ADAMTS2: variants seen among roughly 807,000 people sequenced by gnomAD.
ADAMTS2 encodes A disintegrin and metalloproteinase with thrombospondin motifs 2.
ADAMTS2 carries 50 observed loss-of-function variants against 123.0 expected under a neutral mutation model. That is an observed-to-expected ratio of 0.41 (90% CI 0.32 to 0.51). ADAMTS2 has a LOEUF of 0.51. ADAMTS2 is among the 20% of genes least tolerant of loss of function. The pLI is 0.35. For synonymous variants in ADAMTS2, 678 were observed against 695.4 expected, an observed-to-expected ratio of 0.98 and a Z score of 0.39; for missense variants, 1,494 against 1,705.2, an observed-to-expected ratio of 0.88 and a Z score of 2.18.
intron 2 of ADAMTS2, among the ~76,000 whole-genome samples, chr5:179,309,492 G>A (rs1191526684): frequency 6.6e-6 from 1 of 152,190 alleles, no homozygotes; most frequent in East Asian, 1.9e-4. Context: ...GAAAGCTGGG[G>A]CTGACTGTAA....
intron 2 of ADAMTS2, among the ~76,000 whole-genome samples, chr5:179,335,430 T>C (rs1484300264): frequency 6.6e-6 from 1 of 152,216 alleles, no homozygotes. Flanking sequence ...AAGTCTTCAA[T>C]AGCCTTGTGT....
At position 179,121,707 on chromosome 5, in the gene ADAMTS2, C is replaced by G. The variant is rs1762767086; in HGVS notation, c.3132G>C (p.Trp1044Cys). 1 of 1,595,068 alleles carries G rather than the reference C, an allele frequency of 6.3e-7. No individual in the cohort carries two copies. The highest frequency in any genetic ancestry group is 8.5e-7 in the Non-Finnish European group (1 of 1,170,870). Residue 1044 changes from tryptophan (W) to cysteine (C), a missense_variant, in exon 21 of 22, where the codon TGG becomes TGC. By Grantham distance (215) the Trp-to-Cys change is radical. Coordinates refer to ENST00000251582, the MANE Select transcript of ADAMTS2 (RefSeq NM_014244.5). Reference protein sequence around the residue: ...DPSKKSYVVQWLSRPDPDSPI... With the variant: ...DPSKKSYVVQCLSRPDPDSPI... Reference sequence around the variant, plus strand: ...GCGAGTCGGGGTCCGGGCGGGACAGCCACTGAACTACGTAGCTCTTCTTGG... The same window carrying G: ...GCGAGTCGGGGTCCGGGCGGGACAGGCACTGAACTACGTAGCTCTTCTTGG...
At chr5:179,286,395 G>A (rs1040950631) in intron 2 of ADAMTS2, among the ~76,000 whole-genome samples, 15 of 151,816 alleles carry the variant, frequency 9.9e-5, no homozygotes, top group Admixed American at 4.6e-4. Flanking sequence ...AGACCAGCAC[G>A]CCTGAGCACC....
intron 3 of ADAMTS2, among the ~76,000 whole-genome samples, chr5:179,221,387 G>C (rs1161852377): frequency 6.6e-6 from 1 of 152,142 alleles, no homozygotes; most frequent in Non-Finnish European, 1.5e-5. Flanking sequence ...GAAAGTACCA[G>C]GGCCCTGGCC....
chr5:179,168,243 C>T (rs971412138), intron 5 of ADAMTS2, among the ~76,000 whole-genome samples: 1 of 152,188 alleles, frequency 6.6e-6, no homozygotes, highest in Non-Finnish European at 1.5e-5. Flanking sequence ...AAAAGTCTCT[C>T]CAGACACTGC....
intron 4 of ADAMTS2, among the ~76,000 whole-genome samples, chr5:179,194,021 G>C (rs1260987976): frequency 6.6e-6 from 1 of 152,232 alleles, no homozygotes; most frequent in African/African-American, 2.4e-5. Context: ...CTCCGAGGCT[G>C]CCTCAAGCTG....
chr5:179,293,314 A>G (rs1756240382), intron 2 of ADAMTS2, among the ~76,000 whole-genome samples: 2 of 152,240 alleles, frequency 1.3e-5, no homozygotes, highest in Non-Finnish European at 2.9e-5. Flanking sequence ...CTCCCACATG[A>G]GCAGCCTCTG....
chr5:179,136,131 A>C, intron 12 of ADAMTS2, 89 bp from the exon 13 acceptor site: 1 of 1,604,732 alleles, frequency 6.2e-7, no homozygotes, highest in Non-Finnish European at 8.5e-7. Context: ...AGAAATTTCC[A>C]CAAGGGTCCC....
intron 5 of ADAMTS2, among the ~76,000 whole-genome samples, chr5:179,174,684 C>T (rs938582274): frequency 1.3e-5 from 2 of 152,374 alleles, no homozygotes; most frequent in South Asian, 4.1e-4. Context: ...AGTTTATGCA[C>T]ATATGGCACT....
chr5:179,148,156 G>A (rs908338716), intron 10 of ADAMTS2, among the ~76,000 whole-genome samples: 6 of 151,994 alleles, frequency 3.9e-5, no homozygotes, highest in Non-Finnish European at 7.4e-5. Context: ...CCTTCCCCCA[G>A]CACAGCAGCA....
At chr5:179,214,281 G>A (rs747553061) in intron 3 of ADAMTS2, among the ~76,000 whole-genome samples, 27 of 119,650 alleles carry the variant, frequency 2.3e-4, no homozygotes, top group Non-Finnish European at 3.8e-4. Flanking sequence ...CTCAAAAGCC[G>A]TGCCCACAAT....
At chr5:179,315,998 G>A (rs1053289270) in intron 2 of ADAMTS2, among the ~76,000 whole-genome samples, 1 of 152,190 alleles carries the variant, frequency 6.6e-6, no homozygotes, top group Non-Finnish European at 1.5e-5. Flanking sequence ...GTTCCTAGAG[G>A]CCTTATCAAT....
rs922559080 is a variant in ADAMTS2 at position 179,312,068 on chromosome 5, G to A, written c.534+31699C>T. Among the ~76,000 whole-genome samples the A allele has an allele frequency of 2.6e-5, 4 of 152,190 alleles. No individual in the cohort carries two copies. The highest frequency in any genetic ancestry group is 9.7e-5 in the African/African-American group (4 of 41,438). On this transcript the variant is annotated intron_variant, in intron 2 of 21. Coordinates refer to ENST00000251582, the MANE Select transcript of ADAMTS2 (RefSeq NM_014244.5). The surrounding 1 kb of genome is among the most constrained non-coding windows in gnomAD (Gnocchi z 4.2). ...CCAGGCTAATGTTAGAAGCTGCAGA[G>A]GTGCAAATATAACAGTCAGACGACC...
chr5:179,343,920 G>C lies in ADAMTS2; in HGVS notation c.381C>G (p.Asn127Lys). 1 of 1,607,818 alleles carries C rather than the reference G, an allele frequency of 6.2e-7. No homozygotes were observed. Among genetic ancestry groups the C allele is most frequent in the Non-Finnish European group, 8.5e-7 (1 of 1,178,264 alleles). Residue 127 changes from asparagine (N) to lysine (K), a missense_variant, in exon 2 of 22, where the codon AAC (asparagine) becomes AAG (lysine). By Grantham distance (94) the Asn-to-Lys change is moderately conservative. Around this residue, in one of 6 missense-constraint regions of ADAMTS2, gnomAD observed 237 missense variants for 233.7 expected, o/e 1.01. Coordinates refer to ENST00000251582, the MANE Select transcript of ADAMTS2 (RefSeq NM_014244.5). ...TGGCCCCGGGCGCCACGAGGCGGGC[G>C]TTGGGCCGCAGCCGCAGGTGCAGGT... is the stretch of plus-strand genomic sequence containing the variant. ...GRDLHLRLRP[N>K]ARLVAPGATM...
intron 5 of ADAMTS2, among the ~76,000 whole-genome samples, chr5:179,172,330 GCC>G (rs925587822): frequency 1.3e-5 from 2 of 152,094 alleles, no homozygotes; most frequent in African/African-American, 4.8e-5. Context: ...TCCCAACTCT[GCC>G]AAAAGTGGAA....
intron 3 of ADAMTS2, among the ~76,000 whole-genome samples, chr5:179,214,537 A>AGAC (rs1764931202): frequency 6.6e-6 from 1 of 152,080 alleles, no homozygotes; most frequent in Non-Finnish European, 1.5e-5. Context: ...ACATAAAATA[A>AGAC]TGCAAAGATC....
chr5:179,120,234 C>T (rs1762728163), intron 21 of ADAMTS2: 2 of 152,020 alleles, frequency 1.3e-5, no homozygotes, highest in Admixed American at 1.3e-4. Context: ...GTCTTTCCAT[C>T]ATTAGTAAGA....
At chr5:179,198,984 C>T (rs1056371265) in intron 4 of ADAMTS2, among the ~76,000 whole-genome samples, 10 of 152,176 alleles carry the variant, frequency 6.6e-5, no homozygotes, top group African/African-American at 2.2e-4. Flanking sequence ...CATGCCCAAG[C>T]AGAGGCTGGG....
rs1581176181 is a variant in ADAMTS2, at chr5:179,188,122, T to C, written c.892-6967A>G. Among the ~76,000 whole-genome samples, 2 of 152,176 alleles carry C rather than the reference T, an allele frequency of 1.3e-5. No homozygotes were observed. Among genetic ancestry groups the C allele is most frequent in the Admixed American group, 1.3e-4 (2 of 15,284 alleles). ...CCACAGAGGAGACAGGCAGGGGCCCTGGAACAGCAGCCACCCCAACCTTCA... is the reference window on the plus strand; with the variant it reads ...CCACAGAGGAGACAGGCAGGGGCCCCGGAACAGCAGCCACCCCAACCTTCA... On this transcript the variant is annotated intron_variant, in intron 4 of 21. Coordinates refer to ENST00000251582, the MANE Select transcript of ADAMTS2 (RefSeq NM_014244.5). This position sits in a 1 kb window ranked among gnomAD's most constrained non-coding sequence, Gnocchi z 5.1.
Sources: allele counts gnomAD v4.1 joint callset (sites outside exome capture counted in the v4.1 genomes callset), GRCh38; gene constraint gnomAD v4.1.1; regional missense constraint gnomAD v4.1.1; non-coding constraint Gnocchi (gnomAD v3.1); transcripts MANE v1.5; gene names NCBI Gene and HGNC (gene_info 2026-07-23, HGNC 2026-07-21).